Variants in DGKI observed in about 807,000 individuals in gnomAD.
DGKI encodes DAG kinase iota.
In DGKI, 55 loss-of-function variants were observed where a neutral mutation model predicts 147.5. The ratio of observed to expected loss-of-function variants is 0.37; its 90% CI spans 0.30 to 0.47. The LOEUF is 0.47. Ranked by LOEUF, DGKI falls within the 20% of genes least tolerant of loss-of-function variation. The pLI, the probability that DGKI is intolerant of heterozygous loss-of-function variation, is 1.00. For missense variants in DGKI, 1,007 were observed against 1,323.8 expected, an observed-to-expected ratio of 0.76 and a Z score of 3.71; for synonymous variants, 469 against 477.1, an observed-to-expected ratio of 0.98 and a Z score of 0.22.
intron 28 of DGKI, among the ~76,000 whole-genome samples, chr7:137,421,128 C>T (rs377160372): frequency 1.6e-4 from 25 of 152,284 alleles, no homozygotes; most frequent in Admixed American, 3.9e-4. Flanking sequence ...TAGGTTTATA[C>T]CCCTCACACT....
intron 10 of DGKI, among the ~76,000 whole-genome samples, chr7:137,606,323 A>G (rs1441398176): frequency 6.6e-6 from 1 of 151,712 alleles, no homozygotes; most frequent in Non-Finnish European, 1.5e-5. Flanking sequence ...AAAAAAAAAG[A>G]AAAAAAAAGT....
chr7:137,685,590 C>T (rs527546121), intron 2 of DGKI, among the ~76,000 whole-genome samples: 1 of 152,338 alleles, frequency 6.6e-6, no homozygotes, highest in Non-Finnish European at 1.5e-5. Flanking sequence ...TGGAATCCAT[C>T]CCAGGAGATG....
At position 137,500,058 on chromosome 7, in the gene DGKI, G is replaced by A. The variant is rs114549693; in HGVS notation, c.2249-12369C>T. Among the ~76,000 whole-genome samples the A allele has an allele frequency of 2.0e-3, 310 of 152,136 alleles. 1 individual carries two copies. Among genetic ancestry groups the A allele is most frequent in the African/African-American group, 7.3e-3 (302 of 41,494 alleles). On this transcript the variant is annotated intron_variant, in intron 21 of 32. Coordinates refer to ENST00000614521, the MANE Select transcript of DGKI (RefSeq NM_001321708.2). Reference sequence around the variant, plus strand: ...CATCCAATGTATAGTATTTTGTTACGGCAGCCAGAGCAGACTAAAACAACG... The same window carrying A: ...CATCCAATGTATAGTATTTTGTTACAGCAGCCAGAGCAGACTAAAACAACG...
chr7:137,608,677 T>A (rs186933557), intron 10 of DGKI, among the ~76,000 whole-genome samples: 59 of 152,306 alleles, frequency 3.9e-4, no homozygotes, highest in African/African-American at 1.3e-3. Flanking sequence ...TAAGAGAAAT[T>A]CTAGAATATC....
intron 29 of DGKI, 93 bp from the exon 30 acceptor site, chr7:137,408,088 C>A: frequency 6.8e-7 from 1 of 1,469,010 alleles, no homozygotes; most frequent in Non-Finnish European, 9.3e-7. Flanking sequence ...TGTAGCAGAC[C>A]ACAATGTTTC....
chr7:137,684,504 C>T (rs1452796719), intron 2 of DGKI, among the ~76,000 whole-genome samples: 1 of 152,112 alleles, frequency 6.6e-6, no homozygotes, highest in Non-Finnish European at 1.5e-5. Context: ...TAATCACTTG[C>T]CTCGGGGCAG....
At chr7:137,616,390 G>A (rs569869401) in intron 8 of DGKI, among the ~76,000 whole-genome samples, 3 of 152,194 alleles carry the variant, frequency 2.0e-5, no homozygotes, top group Non-Finnish European at 2.9e-5. Context: ...AATCATAGAC[G>A]GTAATAAAAA....
At chr7:137,670,539 C>T (rs183973669) in intron 3 of DGKI, among the ~76,000 whole-genome samples, 10 of 152,344 alleles carry the variant, frequency 6.6e-5, no homozygotes, top group African/African-American at 2.4e-4. Context: ...GAGCACCCCA[C>T]TCTCTCCCTC....
chr7:137,760,404 G>C (rs1795821696), intron 1 of DGKI, among the ~76,000 whole-genome samples: 1 of 152,020 alleles, frequency 6.6e-6, no homozygotes, highest in Non-Finnish European at 1.5e-5. Flanking sequence ...CCCACCTCCT[G>C]GTTCTTCCTA....
At chr7:137,639,390 G>T (rs1821540004) in intron 6 of DGKI, among the ~76,000 whole-genome samples, 1 of 152,190 alleles carries the variant, frequency 6.6e-6, no homozygotes, top group Non-Finnish European at 1.5e-5. Flanking sequence ...TCTGATCAGG[G>T]AACAAAGAGG....
intron 8 of DGKI, among the ~76,000 whole-genome samples, chr7:137,610,490 T>C (rs1276402693): frequency 6.6e-6 from 1 of 152,226 alleles, no homozygotes; most frequent in Non-Finnish European, 1.5e-5. Context: ...AACCCACTGA[T>C]TGAAGACAAG....
chr7:137,389,659 A>G lies in DGKI; in HGVS notation c.*1561T>C, dbSNP rs1811287691. 1 of 152,182 alleles carries G rather than the reference A, an allele frequency of 6.6e-6. No homozygotes were observed. Among genetic ancestry groups the G allele is most frequent in the South Asian group, 2.1e-4 (1 of 4,834 alleles). 9.4% of individuals were successfully genotyped at this position (152,182 alleles called of 1,614,324 possible). On this transcript the variant is annotated 3_prime_UTR_variant, in exon 33 of 33. Transcript: ENST00000614521. Reference sequence around the variant, plus strand: ...TGACTTACCCCCAAGTCAAGTAGATATTTGGACAGAAAGACAGACATTTTC... The same window carrying G: ...TGACTTACCCCCAAGTCAAGTAGATGTTTGGACAGAAAGACAGACATTTTC...
At chr7:137,527,686 T>C (rs1817200349) in intron 20 of DGKI, among the ~76,000 whole-genome samples, 1 of 152,158 alleles carries the variant, frequency 6.6e-6, no homozygotes, top group African/African-American at 2.4e-5. Context: ...TAAATAATTG[T>C]AATTCAACCA....
intron 14 of DGKI, among the ~76,000 whole-genome samples, chr7:137,584,762 C>T (rs759169852): frequency 3.3e-5 from 5 of 152,182 alleles, no homozygotes; most frequent in African/African-American, 7.2e-5. Context: ...AAGTCCCACC[C>T]AAGTGGTAAC....
intron 19 of DGKI, among the ~76,000 whole-genome samples, chr7:137,557,778 C>T (rs879599319): frequency 9.9e-5 from 15 of 152,122 alleles, no homozygotes; most frequent in Non-Finnish European, 2.1e-4. Flanking sequence ...TCTCCTGGAG[C>T]GATTCCCTTC....
At chr7:137,645,382 A>G in intron 6 of DGKI, 90 bp downstream of exon 6, 1 of 1,080,928 alleles carries the variant, frequency 9.3e-7, no homozygotes, top group Non-Finnish European at 1.3e-6. Context: ...TGCAGTGAAC[A>G]CTGGATTTGG....
At chr7:137,550,779 T>C (rs1818019309) in intron 20 of DGKI, among the ~76,000 whole-genome samples, 1 of 152,212 alleles carries the variant, frequency 6.6e-6, no homozygotes, top group African/African-American at 2.4e-5. Flanking sequence ...CTATATATAG[T>C]AAAAACTTTT....
chr7:137,721,064 T>A (rs1043084320), intron 1 of DGKI, among the ~76,000 whole-genome samples: 2 of 152,204 alleles, frequency 1.3e-5, no homozygotes, highest in Non-Finnish European at 1.5e-5. Flanking sequence ...TACCAGTCCA[T>A]AAAGACTCAC....
intron 27 of DGKI, among the ~76,000 whole-genome samples, chr7:137,455,183 G>A (rs1043299559): frequency 1.3e-5 from 2 of 152,072 alleles, no homozygotes; most frequent in Non-Finnish European, 2.9e-5. Context: ...ACATACCCCA[G>A]CAGCTTTCTG....
Sources: gnomAD v4.1 joint callset for allele counts (sites outside exome capture counted in the v4.1 genomes callset) on GRCh38, gnomAD v4.1.1 for gene constraint, MANE v1.5 for transcripts, NCBI Gene and HGNC (gene_info 2026-07-23, HGNC 2026-07-21) for gene names.